The following DCC variants were observed in gnomAD, a reference collection of about 807,000 sequenced individuals.
The protein encoded by DCC is DCC netrin 1 receptor.
DCC carries 58 observed loss-of-function variants against 172.5 expected under a neutral mutation model. The ratio of observed to expected loss-of-function variants is 0.34; its 90% CI spans 0.27 to 0.42. The LOEUF (loss-of-function observed/expected upper bound fraction) is 0.42, where lower values mean the gene tolerates loss of function less well. DCC is among the 10% of genes least tolerant of loss of function. The pLI is 1.00. For missense variants in DCC, 1,740 were observed against 1,791.0 expected, an observed-to-expected ratio of 0.97 and a Z score of 0.51; for synonymous variants, 709 against 644.5, an observed-to-expected ratio of 1.10 and a Z score of -1.52.
At chr18:53,344,440 CTTTTTTT>C (rs71175582) in intron 15 of DCC, among the ~76,000 whole-genome samples, 1,828 of 97,090 alleles carry the variant, frequency 0.019, 18 homozygotes, top group Non-Finnish European at 0.027. Flanking sequence ...TTTCGTTTTT[CTTTTTTT>C]TTTTTTTTTT....
chr18:53,357,766 T>C (rs969776417), intron 15 of DCC, among the ~76,000 whole-genome samples: 1 of 152,200 alleles, frequency 6.6e-6, no homozygotes, highest in Non-Finnish European at 1.5e-5. Context: ...AGTATCTTAC[T>C]GAGAGCATTT....
At chr18:53,197,356 T>C (rs1054276124) in intron 9 of DCC, among the ~76,000 whole-genome samples, 5 of 151,716 alleles carry the variant, frequency 3.3e-5, no homozygotes, top group Non-Finnish European at 5.9e-5. Flanking sequence ...ATGTGAATTA[T>C]ATATAGGTCA....
At chr18:52,921,017 G>C (rs1424099251) in intron 3 of DCC, among the ~76,000 whole-genome samples, 1 of 152,124 alleles carries the variant, frequency 6.6e-6, no homozygotes, top group Non-Finnish European at 1.5e-5. Flanking sequence ...CTGGAGTTTG[G>C]TAGGGATGGC....
chr18:52,625,034 T>A (rs747136363), intron 1 of DCC, among the ~76,000 whole-genome samples: 1 of 152,176 alleles, frequency 6.6e-6, no homozygotes, highest in South Asian at 2.1e-4. Context: ...GTGTAGCCTA[T>A]TGTTCCTAGG....
intron 1 of DCC, among the ~76,000 whole-genome samples, chr18:52,476,920 C>G (rs1248759422): frequency 6.6e-6 from 1 of 152,114 alleles, no homozygotes; most frequent in African/African-American, 2.4e-5. Flanking sequence ...CTCCTCTGTC[C>G]TAGTTGTATG....
At chr18:52,435,488 T>C (rs915708289) in intron 1 of DCC, among the ~76,000 whole-genome samples, 4 of 152,166 alleles carry the variant, frequency 2.6e-5, no homozygotes, top group Admixed American at 2.6e-4. Flanking sequence ...ACACACACGC[T>C]AATGCTCTCT....
chr18:53,211,611 C>G (rs2055753700), intron 11 of DCC, among the ~76,000 whole-genome samples: 1 of 152,094 alleles, frequency 6.6e-6, no homozygotes, highest in Non-Finnish European at 1.5e-5. Flanking sequence ...GTAGTCCCAG[C>G]TACTCGGGAG....
At chr18:53,314,239 C>T (rs1274241118) in intron 13 of DCC, among the ~76,000 whole-genome samples, 1 of 152,106 alleles carries the variant, frequency 6.6e-6, no homozygotes, top group Non-Finnish European at 1.5e-5. Context: ...TCTGAAAAGT[C>T]AAAATTTCTG....
chr18:52,773,881 C>T (rs773201744), intron 2 of DCC, among the ~76,000 whole-genome samples: 4 of 152,050 alleles, frequency 2.6e-5, no homozygotes, highest in Non-Finnish European at 5.9e-5. Flanking sequence ...AAGACAACAA[C>T]AATTTGTAGG....
intron 1 of DCC, among the ~76,000 whole-genome samples, chr18:52,366,414 T>C (rs1269074896): frequency 1.3e-5 from 2 of 152,198 alleles, no homozygotes; most frequent in African/African-American, 4.8e-5. Context: ...TTCTCTTATC[T>C]GGCCCCACCC....
rs146459622 is a variant in DCC at position 52,958,232 on chromosome 18, T to C, written c.985+32862T>C. Among the ~76,000 whole-genome samples the C allele has an allele frequency of 5.1e-3, 776 of 152,252 alleles. 7 individuals carry two copies. The highest frequency in any genetic ancestry group is 0.018 in the African/African-American group (745 of 41,554). On this transcript the variant is annotated intron_variant, in intron 5 of 28. Transcript: ENST00000442544. ...TTTGTATGATTTATTTTATAGCATC[T>C]TTTAGTTTTTTTATAATCTGCATTT...
chr18:52,947,023 G>A (rs1291023781), intron 5 of DCC, among the ~76,000 whole-genome samples: 3 of 152,118 alleles, frequency 2.0e-5, no homozygotes, highest in Non-Finnish European at 4.4e-5. Context: ...TCATTGCCCT[G>A]TTGGGTCTTA....
At chr18:53,132,199 C>T (rs758583557) in intron 7 of DCC, among the ~76,000 whole-genome samples, 37 of 151,848 alleles carry the variant, frequency 2.4e-4, no homozygotes, top group Non-Finnish European at 4.7e-4. Flanking sequence ...TTTGAAATGG[C>T]GGGGAGTCTA....
intron 5 of DCC, among the ~76,000 whole-genome samples, chr18:53,004,317 AT>A (rs1305532047): frequency 1.3e-5 from 2 of 152,118 alleles, no homozygotes; most frequent in African/African-American, 2.4e-5. Flanking sequence ...AAGGTAATCC[AT>A]TTTCAGATAG....
Position 53,178,994 on chromosome 18 carries a change from C to G in DCC, c.1451C>G (p.Ser484Cys). ...GCATTGAATACAACACAGCCTGGGT[C>G]CCTTCAGCTCACTGTGGGAAACCTG... Reference protein sequence around the residue: ...ERALNTTQPGSLQLTVGNLKP... With the variant: ...ERALNTTQPGCLQLTVGNLKP... The change falls in exon 9 of 29, where the codon TCC (serine) becomes TGC (cysteine). Residue 484 changes from serine (S) to cysteine (C), a missense_variant. Around this residue, in one of 2 missense-constraint regions of DCC, gnomAD observed 1,732 missense variants for 1,767.4 expected, o/e 0.98. Coordinates refer to ENST00000442544, the MANE Select transcript of DCC (RefSeq NM_005215.4). 2 of 1,614,072 alleles carry G rather than the reference C, an allele frequency of 1.2e-6. No homozygotes were observed. Among genetic ancestry groups the G allele is most frequent in the Non-Finnish European group, 1.7e-6 (2 of 1,179,960 alleles).
rs144649631 is a variant in DCC, at chr18:53,402,848, A to G, written c.2890A>G (p.Ile964Val). 7.0e-5 allele frequency: 113 copies of G among 1,614,094 alleles called. No homozygotes were observed. In the African/African-American group the frequency reaches 1.4e-3, roughly 20 times the overall value. ...ITREGKPRAV[I>V]VSWQPPLEAN... ...TAGGGAAGGGAAGCCTCGTGCCGTC[A>G]TTGTGAGTTGGCAGCCTCCCTTGGA... The change falls in exon 19 of 29, where the codon ATT becomes GTT. Residue 964 changes from isoleucine (I) to valine (V), a missense_variant. By Grantham distance (29) the Ile-to-Val change is conservative. Transcript: ENST00000442544.
intron 14 of DCC, among the ~76,000 whole-genome samples, chr18:53,325,398 A>G (rs575774140): frequency 9.9e-5 from 15 of 152,280 alleles, no homozygotes; most frequent in Non-Finnish European, 1.8e-4. Flanking sequence ...GAGAAAATAA[A>G]TGAAGCAGAG....
chr18:52,432,881 A>T lies in DCC; in HGVS notation c.91+92003A>T, dbSNP rs149990167. 1.7e-3 allele frequency among the ~76,000 whole-genome samples: 266 copies of T among 152,250 alleles called. 6 individuals carry two copies. In the East Asian group the frequency reaches 0.042, roughly 24 times the overall value. ...AGATATTGCCTTCTCTGGAGAGTTGATAGAGGGAAATTGGCAAACGGTAAT... is the reference window on the plus strand; with the variant it reads ...AGATATTGCCTTCTCTGGAGAGTTGTTAGAGGGAAATTGGCAAACGGTAAT... On this transcript the variant is annotated intron_variant, in intron 1 of 28. Coordinates refer to ENST00000442544, the MANE Select transcript of DCC (RefSeq NM_005215.4).
At chr18:52,878,576 T>A (rs767912813) in intron 2 of DCC, among the ~76,000 whole-genome samples, 4 of 152,198 alleles carry the variant, frequency 2.6e-5, no homozygotes, top group Non-Finnish European at 5.9e-5. Context: ...AAAATTATTA[T>A]GACTCTGAGA....
Sources: gnomAD v4.1 joint callset for allele counts (sites outside exome capture counted in the v4.1 genomes callset) on GRCh38, gnomAD v4.1.1 for gene constraint, gnomAD v4.1.1 regional missense constraint, MANE v1.5 for transcripts, NCBI Gene and HGNC (gene_info 2026-07-23, HGNC 2026-07-21) for gene names.